FSTL5: variants seen among roughly 807,000 people sequenced by gnomAD.
The protein encoded by FSTL5 is follistatin-related protein 5.
A neutral mutation model predicts 89.1 loss-of-function variants in FSTL5; 62 were observed. That is an observed-to-expected ratio of 0.70 (90% CI 0.57 to 0.86). The LOEUF is 0.86. Among genes scored for constraint, FSTL5 ranks in the 40% least tolerant of loss-of-function variants. The pLI is 0.00. For missense variants in FSTL5, 1,057 were observed against 1,001.6 expected, an observed-to-expected ratio of 1.06 and a Z score of -0.75; for synonymous variants, 383 against 346.2, an observed-to-expected ratio of 1.11 and a Z score of -1.18.
chr4:161,575,380 C>A (rs1733172545), intron 8 of FSTL5, among the ~76,000 whole-genome samples: 1 of 152,090 alleles, frequency 6.6e-6, no homozygotes, highest in Admixed American at 6.6e-5. Flanking sequence ...GCTTTTCTTG[C>A]AATTACTTTT....
chr4:162,153,809 A>ATT (rs1241063556), intron 1 of FSTL5, among the ~76,000 whole-genome samples: 6 of 140,312 alleles, frequency 4.3e-5, no homozygotes, highest in Non-Finnish European at 7.7e-5. Flanking sequence ...ATATATATAT[A>ATT]TTTATATTTA....
At chr4:162,088,342 C>A (rs1184952809) in intron 2 of FSTL5, among the ~76,000 whole-genome samples, 1 of 151,840 alleles carries the variant, frequency 6.6e-6, no homozygotes, top group Non-Finnish European at 1.5e-5. Context: ...ATTAACTTTT[C>A]AAGATTTTTG....
intron 6 of FSTL5, among the ~76,000 whole-genome samples, chr4:161,750,556 T>C (rs531980553): frequency 1.3e-5 from 2 of 152,144 alleles, no homozygotes; most frequent in Non-Finnish European, 2.9e-5. Context: ...CAGCATTTTT[T>C]GTTTATATTA....
At chr4:161,805,831 TATG>T (rs1729947736) in intron 4 of FSTL5, among the ~76,000 whole-genome samples, 1 of 152,136 alleles carries the variant, frequency 6.6e-6, no homozygotes, top group African/African-American at 2.4e-5. Flanking sequence ...CTCTCTTACC[TATG>T]ATTTCACTTT....
intron 7 of FSTL5, among the ~76,000 whole-genome samples, chr4:161,603,107 C>T (rs143116454): frequency 1.2e-4 from 19 of 152,152 alleles, no homozygotes; most frequent in Non-Finnish European, 2.1e-4. Context: ...GGGTACAGAG[C>T]TCTAAGGAGC....
At chr4:161,791,312 T>A (rs1209482052) in intron 4 of FSTL5, among the ~76,000 whole-genome samples, 1 of 152,184 alleles carries the variant, frequency 6.6e-6, no homozygotes, top group African/African-American at 2.4e-5. Flanking sequence ...TTTCACAAAA[T>A]ACTTGTTTTT....
chr4:161,654,739 T>C (rs1300460141), intron 7 of FSTL5, among the ~76,000 whole-genome samples: 2 of 152,136 alleles, frequency 1.3e-5, no homozygotes, highest in Non-Finnish European at 2.9e-5. Flanking sequence ...GGAAAGGTGA[T>C]GGCTTTCTTG....
intron 1 of FSTL5, among the ~76,000 whole-genome samples, chr4:162,158,829 T>A (rs970070044): frequency 2.0e-5 from 3 of 152,146 alleles, no homozygotes; most frequent in African/African-American, 7.2e-5. Flanking sequence ...GGTATCTATG[T>A]CTATCTTATT....
At chr4:162,088,030 TA>T (rs1730391491) in intron 2 of FSTL5, among the ~76,000 whole-genome samples, 1 of 152,146 alleles carries the variant, frequency 6.6e-6, no homozygotes, top group Non-Finnish European at 1.5e-5. Context: ...ACTTAGTTTT[TA>T]AAAAGCCTTC....
At chr4:162,088,513 T>A (rs1730411601) in intron 2 of FSTL5, among the ~76,000 whole-genome samples, 1 of 152,136 alleles carries the variant, frequency 6.6e-6, no homozygotes, top group Non-Finnish European at 1.5e-5. Flanking sequence ...AGTAATTTAC[T>A]ATAAGCTGAC....
chr4:161,539,902 CTTTT>C (rs11326261), intron 9 of FSTL5, among the ~76,000 whole-genome samples: 2 of 127,336 alleles, frequency 1.6e-5, no homozygotes, highest in Non-Finnish European at 3.3e-5. Context: ...AAAATCATAC[CTTTT>C]TTTTTTTTTT....
intron 8 of FSTL5, among the ~76,000 whole-genome samples, chr4:161,568,706 G>A (rs908216661): frequency 1.3e-5 from 2 of 152,092 alleles, no homozygotes; most frequent in African/African-American, 4.8e-5. Context: ...GCAGAGATAA[G>A]TTATTTTATG....
intron 12 of FSTL5, among the ~76,000 whole-genome samples, chr4:161,497,631 G>T (rs1211373171): frequency 2.0e-5 from 3 of 151,240 alleles, no homozygotes; most frequent in Admixed American, 2.0e-4. Context: ...TATAGTATAA[G>T]AATGCAAACT....
At chr4:161,540,384 T>C (rs1731778314) in intron 9 of FSTL5, among the ~76,000 whole-genome samples, 1 of 152,138 alleles carries the variant, frequency 6.6e-6, no homozygotes, top group East Asian at 1.9e-4. Flanking sequence ...ATACTTTGTT[T>C]GATGTTTCCC....
chr4:161,500,736 G>A (rs926321783), intron 11 of FSTL5, among the ~76,000 whole-genome samples: 6 of 152,168 alleles, frequency 3.9e-5, no homozygotes, highest in South Asian at 2.1e-4. Context: ...TAAGGTATCT[G>A]AAAAATCTTA....
intron 1 of FSTL5, among the ~76,000 whole-genome samples, chr4:162,144,334 T>C (rs1561043631): frequency 6.6e-6 from 1 of 152,194 alleles, no homozygotes; most frequent in South Asian, 2.1e-4. Context: ...TGTAACTCAA[T>C]TGGATTGCCT....
chr4:161,514,589 T>C (rs781770489), intron 10 of FSTL5, among the ~76,000 whole-genome samples: 2 of 152,176 alleles, frequency 1.3e-5, no homozygotes, highest in Non-Finnish European at 2.9e-5. Context: ...AAAACTGCAC[T>C]TGTACTCCCT....
intron 4 of FSTL5, among the ~76,000 whole-genome samples, chr4:161,837,709 A>G (rs138674968): frequency 2.0e-5 from 3 of 152,278 alleles, no homozygotes; most frequent in African/African-American, 4.8e-5. Context: ...AATATTTGAT[A>G]TACTTAAATA....
At chr4:161,536,650 C>T (rs1367480875) in intron 10 of FSTL5, among the ~76,000 whole-genome samples, 20 of 151,974 alleles carry the variant, frequency 1.3e-4, no homozygotes, top group Non-Finnish European at 2.8e-4. Flanking sequence ...TAAACCTTGT[C>T]GAAAATTTAA....
Sources: allele counts gnomAD v4.1 joint callset (sites outside exome capture counted in the v4.1 genomes callset), GRCh38; gene constraint gnomAD v4.1.1; transcripts MANE v1.5; gene names NCBI Gene and HGNC (gene_info 2026-07-23, HGNC 2026-07-21).